Variants in LATS1 observed in about 807,000 individuals in gnomAD.
LATS1 encodes large tumor suppressor kinase 1, also known as serine/threonine-protein kinase LATS1.
Under a neutral mutation model 106.6 loss-of-function variants are expected in LATS1, and 25 were observed. That is an observed-to-expected ratio of 0.23 (90% confidence interval 0.17 to 0.33). LATS1 has a LOEUF of 0.33. Among genes scored for constraint, LATS1 ranks in the 10% least tolerant of loss-of-function variants. The pLI is 1.00. For missense variants in LATS1, 1,040 were observed against 1,382.6 expected (o/e 0.75, Z 3.93); for synonymous variants, 465 against 455.6 (o/e 1.02, Z -0.26).
chr6:149,686,352 A>G (rs1007625964), intron 3 of LATS1, among the ~76,000 whole-genome samples: 2 of 152,170 alleles, frequency 1.3e-5, no homozygotes, highest in African/African-American at 2.4e-5. Flanking sequence ...CACTTTCCTC[A>G]GAGGCCAGCT....
intron 2 of LATS1, among the ~76,000 whole-genome samples, chr6:149,698,367 T>TA (rs1231758187): frequency 6.6e-6 from 1 of 150,700 alleles, no homozygotes; most frequent in Non-Finnish European, 1.5e-5. Context: ...CTCACCCTCC[T>TA]AAGTGGTTGG....
chr6:149,671,597 G>C (rs561410021), intron 7 of LATS1, among the ~76,000 whole-genome samples: 1 of 152,024 alleles, frequency 6.6e-6, no homozygotes, highest in South Asian at 2.1e-4. Flanking sequence ...GTGTGTATCT[G>C]TTTGCCACTA....
intron 7 of LATS1, among the ~76,000 whole-genome samples, chr6:149,667,036 A>G (rs1387517349): frequency 6.6e-6 from 1 of 152,168 alleles, no homozygotes; most frequent in Non-Finnish European, 1.5e-5. Context: ...AAAGTATCAA[A>G]AAGAAATTTT....
chr6:149,701,838 T>C lies in LATS1; in HGVS notation c.289A>G (p.Ser97Gly), dbSNP rs74774574. The change falls in exon 2 of 8, where the codon AGT (serine) becomes GGT (glycine). Residue 97 changes from serine (S) to glycine (G), a missense_variant. Physicochemically the swap from Ser to Gly is moderately conservative, Grantham distance 56 (BLOSUM62 0). Coordinates refer to ENST00000543571, the MANE Select transcript of LATS1 (RefSeq NM_004690.4). ...PFANETNSSR[S>G]TSEVNPQMLQ... ...ATTTGTGGATTAACTTCTGAAGTAC[T>C]CCGAGAAGAATTTGTTTCATTTGCA... The C allele has an allele frequency of 3.0e-4, 487 of 1,614,192 alleles. 3 individuals are homozygous for C. In the African/African-American group the frequency reaches 5.7e-3, roughly 19 times the overall value.
At chr6:149,672,213 TTTC>T (rs1781479461) in intron 7 of LATS1, among the ~76,000 whole-genome samples, 1 of 149,538 alleles carries the variant, frequency 6.7e-6, no homozygotes, top group Non-Finnish European at 1.5e-5. Context: ...TTTCTTTTCT[TTTC>T]TTTTTTTTTT....
At chr6:149,671,549 C>A (rs1310489781) in intron 7 of LATS1, among the ~76,000 whole-genome samples, 1 of 151,944 alleles carries the variant, frequency 6.6e-6, no homozygotes, top group African/African-American at 2.4e-5. Context: ...GTGGTGTGGT[C>A]TTATGTCTGC....
rs1780849814 is a variant in LATS1, at chr6:149,660,636, G to A, written c.*1093C>T. 2 of 231,300 alleles carry A rather than the reference G, an allele frequency of 8.6e-6. No individual in the cohort carries two copies. The highest frequency in any genetic ancestry group is 6.2e-5 in the East Asian group (1 of 16,214). The allele number at this position is 231,300 out of a possible 1,614,324, so 14.3% of individuals were successfully genotyped here. A position where few individuals can be genotyped will look rare whatever the true frequency, so the allele number is the denominator to read the frequency against. On this transcript the variant is annotated 3_prime_UTR_variant, in exon 8 of 8. Transcript: ENST00000543571. ...GTTATACATAACAGGCATGTTGAAC[G>A]CATTATTGAACCTTAAATAAATTAG...
chr6:149,671,689 C>T (rs1412305579), intron 7 of LATS1, among the ~76,000 whole-genome samples: 1 of 151,828 alleles, frequency 6.6e-6, no homozygotes, highest in Non-Finnish European at 1.5e-5. Flanking sequence ...TGTTAAAAAT[C>T]GATTTTGCTA....
intron 3 of LATS1, among the ~76,000 whole-genome samples, chr6:149,686,257 C>T (rs910112672): frequency 6.6e-6 from 1 of 152,036 alleles, no homozygotes; most frequent in Non-Finnish European, 1.5e-5. Flanking sequence ...AGGAGCCAGA[C>T]GAAAAGCAAG....
intron 3 of LATS1, among the ~76,000 whole-genome samples, chr6:149,684,940 TTTTA>T (rs1782281223): frequency 6.6e-6 from 1 of 152,180 alleles, no homozygotes; most frequent in Non-Finnish European, 1.5e-5. Context: ...CCTTTTAGAA[TTTTA>T]TTTATTTTTG....
In LATS1 at chr6:149,683,661, A is replaced by C; in HGVS notation, c.1428T>G (p.Ser476=). 6.2e-7 allele frequency: 1 copy of C among 1,614,224 alleles called. No homozygotes were observed. Among genetic ancestry groups the C allele is most frequent in the Non-Finnish European group, 8.5e-7 (1 of 1,180,044 alleles). Residue 476 remains serine (S), a synonymous_variant, in exon 4 of 8, where the codon TCT becomes TCG. Coordinates refer to ENST00000543571, the MANE Select transcript of LATS1 (RefSeq NM_004690.4). ...NNPLGNRASH[S]ANSQPSATTV... is the part of the protein sequence containing the mutation. ...TTGTAGCAGAAGGCTGAGAATTAGC[A>C]GAGTGACTTGCTCTATTTCCTAATG...
At chr6:149,664,009 C>A (rs1434282073) in intron 7 of LATS1, among the ~76,000 whole-genome samples, 2 of 151,830 alleles carry the variant, frequency 1.3e-5, no homozygotes, top group East Asian at 3.9e-4. Context: ...GGGGTTTCAC[C>A]ATGTTGGCCT....
chr6:149,685,758 T>C (rs1360296064), intron 3 of LATS1, among the ~76,000 whole-genome samples: 1 of 151,840 alleles, frequency 6.6e-6, no homozygotes, highest in Non-Finnish European at 1.5e-5. Flanking sequence ...AGTATAGATT[T>C]TACAGAAACT....
intron 2 of LATS1, among the ~76,000 whole-genome samples, chr6:149,699,849 T>C (rs1783352088): frequency 6.6e-6 from 1 of 152,234 alleles, no homozygotes; most frequent in Non-Finnish European, 1.5e-5. Context: ...GGGTGACTTA[T>C]CTGACATAAC....
chr6:149,675,649 T>G (rs1325245287), intron 7 of LATS1: 1 of 152,316 alleles, frequency 6.6e-6, no homozygotes, highest in Admixed American at 6.5e-5. Flanking sequence ...CTCCGCCTTC[T>G]GAGTTCAAGG....
chr6:149,717,995 C>CA lies in LATS1; in HGVS notation c.-288_-287insT, dbSNP rs1225494152. The stretch of plus-strand genomic sequence containing the variant: ...GGGGGGCTGCCGCGGGCCAGCGCGG[C>CA]CCGTCCCAGGGGTCGTGAGGACCTG... On this transcript the variant is annotated 5_prime_UTR_variant, in exon 1 of 8. Coordinates refer to ENST00000543571, the MANE Select transcript of LATS1 (RefSeq NM_004690.4). 5.5e-6 allele frequency: 2 copies of CA among 364,756 alleles called. No individual in the cohort carries two copies. The highest frequency in any genetic ancestry group is 1.1e-5 in the Non-Finnish European group (2 of 189,978). 22.6% of individuals were successfully genotyped at this position (364,756 alleles called of 1,614,324 possible). A position where few individuals can be genotyped will look rare whatever the true frequency, so the allele number is the denominator to read the frequency against.
chr6:149,702,563 A>T (rs1468201088), intron 1 of LATS1, among the ~76,000 whole-genome samples: 1 of 152,180 alleles, frequency 6.6e-6, no homozygotes, highest in Non-Finnish European at 1.5e-5. Context: ...ACAATAAAAC[A>T]GGTAACCTCT....
Position 149,684,169 on chromosome 6 carries a change from G to A in LATS1, c.920C>T (p.Thr307Ile), listed in dbSNP as rs1782225386. The A allele has an allele frequency of 6.2e-7, 1 of 1,614,144 alleles. No individual in the cohort carries two copies. Among genetic ancestry groups the A allele is most frequent in the African/African-American group, 1.3e-5 (1 of 74,948 alleles). The part of the protein sequence containing the change: ...QEGYPPPPLN[T>I]SPMNPPNQGQ... The stretch of plus-strand genomic sequence containing the variant: ...TTGATTAGGAGGATTCATGGGGGAA[G>A]TGTTGAGAGGTGGTGGAGGATAGCC... The change falls in exon 4 of 8, where the codon ACT becomes ATT. Residue 307 changes from threonine to isoleucine, a missense_variant. This residue lies in a region of LATS1 where 624 missense variants were observed against 714.8 expected (regional missense o/e 0.87). Coordinates refer to ENST00000543571, the MANE Select transcript of LATS1 (RefSeq NM_004690.4).
intron 1 of LATS1, among the ~76,000 whole-genome samples, chr6:149,704,726 T>C (rs992768020): frequency 6.6e-6 from 1 of 152,036 alleles, no homozygotes; most frequent in African/African-American, 2.4e-5. Flanking sequence ...AGTGCTCAGG[T>C]AAGCCTCCTG....
Sources: gnomAD v4.1 joint callset for allele counts (sites outside exome capture counted in the v4.1 genomes callset) on GRCh38, gnomAD v4.1.1 for gene constraint, gnomAD v4.1.1 regional missense constraint, MANE v1.5 for transcripts, NCBI Gene and HGNC (gene_info 2026-07-23, HGNC 2026-07-21) for gene names.